The following ROBO2 variants were observed in gnomAD, a reference collection of about 807,000 sequenced individuals.
ROBO2 encodes roundabout homolog 2.
ROBO2 carries 53 observed loss-of-function variants against 160.8 expected under a neutral mutation model. That is an observed-to-expected ratio of 0.33 (90% CI 0.26 to 0.41). The LOEUF (loss-of-function observed/expected upper bound fraction) is 0.41, where lower values mean the gene tolerates loss of function less well. ROBO2 is among the 10% of genes least tolerant of loss of function. The pLI is 1.00. For synonymous variants in ROBO2, 664 were observed against 611.7 expected (o/e 1.09, Z -1.26); for missense variants, 1,577 against 1,722.4 (o/e 0.92, Z 1.49).
intron 2 of ROBO2, among the ~76,000 whole-genome samples, chr3:77,355,004 G>A (rs2068859021): frequency 6.6e-6 from 1 of 152,006 alleles, no homozygotes; most frequent in Non-Finnish European, 1.5e-5. Context: ...TTAGCATAAA[G>A]TTCTGTGGGT....
chr3:77,546,401 T>A (rs757533687), exon 7 of ROBO2: 2 of 1,613,214 alleles, frequency 1.2e-6, no homozygotes, highest in East Asian at 4.5e-5. Context: ...ACAGTGACAT[T>A]TCCCTGTGAA....
At chr3:77,531,739 T>C (rs1005130995) in intron 6 of ROBO2, among the ~76,000 whole-genome samples, 2 of 152,164 alleles carry the variant, frequency 1.3e-5, no homozygotes, top group Admixed American at 1.3e-4. Context: ...AGGTATTATG[T>C]ATGAACCTTT....
At chr3:76,388,752 T>C (rs2077012396) in intron 2 of ROBO2, among the ~76,000 whole-genome samples, 1 of 152,186 alleles carries the variant, frequency 6.6e-6, no homozygotes, top group African/African-American at 2.4e-5. Context: ...TTCTGGCCAC[T>C]GTTTTTATGC....
chr3:76,495,865 T>C (rs1425883434), intron 2 of ROBO2, among the ~76,000 whole-genome samples: 1 of 152,224 alleles, frequency 6.6e-6, no homozygotes, highest in Admixed American at 6.5e-5. Context: ...CATTTCTTAC[T>C]ACAATGATGC....
At chr3:76,592,687 A>G (rs929841219) in intron 2 of ROBO2, among the ~76,000 whole-genome samples, 1 of 152,084 alleles carries the variant, frequency 6.6e-6, no homozygotes, top group Non-Finnish European at 1.5e-5. Flanking sequence ...ACAACTATGT[A>G]GGCCAGACGT....
chr3:77,493,391 A>T lies in ROBO2; in HGVS notation c.806+9A>T, dbSNP rs761610490. 1 of 1,613,872 alleles carries T rather than the reference A, an allele frequency of 6.2e-7. No homozygotes were observed. The highest frequency in any genetic ancestry group is 8.5e-7 in the Non-Finnish European group (1 of 1,179,796). ...GACTTGCCAAGAGGAAGGTAAGACC[A>T]ACATATGGATGGAAGATTGTTAGAT... On this transcript the variant is annotated intron_variant, in intron 5 of 25. Coordinates refer to ENST00000461745, the Ensembl canonical transcript of ROBO2.
chr3:77,122,531 C>A (rs1334222781), intron 2 of ROBO2, among the ~76,000 whole-genome samples: 2 of 152,198 alleles, frequency 1.3e-5, no homozygotes, highest in African/African-American at 2.4e-5. Flanking sequence ...CATTAATTTT[C>A]ATATTCGGAG....
At chr3:76,694,325 G>T (rs892981254) in intron 2 of ROBO2, among the ~76,000 whole-genome samples, 1 of 152,076 alleles carries the variant, frequency 6.6e-6, no homozygotes, top group East Asian at 1.9e-4. Flanking sequence ...AGTTATTCTC[G>T]CCAAGAGATG....
intron 2 of ROBO2, among the ~76,000 whole-genome samples, chr3:77,445,837 C>A: frequency 7.2e-6 from 1 of 138,948 alleles, no homozygotes; most frequent in South Asian, 2.2e-4. Context: ...GCAAGGATAG[C>A]TTTCTGTAAT....
chr3:77,078,530 T>C (rs769361139), intron 1 of ROBO2, among the ~76,000 whole-genome samples: 15 of 152,310 alleles, frequency 9.8e-5, no homozygotes, highest in East Asian at 5.8e-4. Flanking sequence ...CTGTCTTACA[T>C]TGATATGGTG....
Position 76,195,485 on chromosome 3 carries a change from T to G in ROBO2, c.109+257883T>G, listed in dbSNP as rs370859913. 2.0e-5 allele frequency among the ~76,000 whole-genome samples: 3 copies of G among 152,326 alleles called. No individual in the cohort carries two copies. The East Asian group carries it at 5.8e-4, about 29-fold the overall frequency. Reference sequence around the variant, plus strand: ...TATTGTCAATTTCATAGGAATGAATTTAAAATGTATGCAGACTATTTAGTG... The same window carrying G: ...TATTGTCAATTTCATAGGAATGAATGTAAAATGTATGCAGACTATTTAGTG... On this transcript the variant is annotated intron_variant, in intron 2 of 26. Transcript: ENST00000487694.
At chr3:77,184,423 A>G (rs1419948158) in intron 2 of ROBO2, among the ~76,000 whole-genome samples, 3 of 152,042 alleles carry the variant, frequency 2.0e-5, no homozygotes, top group African/African-American at 7.2e-5. Flanking sequence ...TATGCAAAAA[A>G]GGAATTATGA....
chr3:76,136,831 A>G (rs1427577478), intron 2 of ROBO2, among the ~76,000 whole-genome samples: 1 of 152,064 alleles, frequency 6.6e-6, no homozygotes, highest in Non-Finnish European at 1.5e-5. Context: ...AGAAGCCACA[A>G]ATCATATTCT....
At chr3:76,047,265 A>G (rs369166627) in intron 2 of ROBO2, among the ~76,000 whole-genome samples, 1 of 152,072 alleles carries the variant, frequency 6.6e-6, no homozygotes, top group East Asian at 1.9e-4. Context: ...CTAATAATGC[A>G]TTAATATTCC....
intron 2 of ROBO2, among the ~76,000 whole-genome samples, chr3:76,299,772 T>G (rs1709265628): frequency 6.6e-6 from 1 of 152,050 alleles, no homozygotes. Context: ...TTCTACATAT[T>G]TTATAGAAGT....
intron 2 of ROBO2, among the ~76,000 whole-genome samples, chr3:76,106,860 C>T (rs577818729): frequency 2.2e-4 from 33 of 152,190 alleles, no homozygotes; most frequent in African/African-American, 7.7e-4. Flanking sequence ...TACTAGGCTG[C>T]GTGCATAATT....
At chr3:77,102,656 A>T (rs956989142) in intron 2 of ROBO2, among the ~76,000 whole-genome samples, 1 of 152,120 alleles carries the variant, frequency 6.6e-6, no homozygotes, top group African/African-American at 2.4e-5. Flanking sequence ...AATGTTATTG[A>T]TAACCATCTG....
chr3:76,957,331 T>G (rs1420941826), intron 2 of ROBO2, among the ~76,000 whole-genome samples: 1 of 152,140 alleles, frequency 6.6e-6, no homozygotes, highest in East Asian at 1.9e-4. Context: ...GCCACAGTTC[T>G]GTAAACATTA....
chr3:76,474,305 T>G lies in ROBO2; in HGVS notation c.109+536703T>G, dbSNP rs149262029. 2.9e-3 allele frequency among the ~76,000 whole-genome samples: 441 copies of G among 152,272 alleles called. 1 individual carries two copies. The highest frequency in any genetic ancestry group is 4.9e-3 in the Non-Finnish European group (336 of 68,008). On this transcript the variant is annotated intron_variant, in intron 2 of 26. Transcript: ENST00000487694. The stretch of plus-strand genomic sequence containing the variant: ...TAACTATAGAGTTCTAGATTTATCT[T>G]AGTTAAATGATACATTATTATATAC...
Sources: gnomAD v4.1 joint callset for allele counts (sites outside exome capture counted in the v4.1 genomes callset) on GRCh38, gnomAD v4.1.1 for gene constraint, MANE v1.5 for transcripts, NCBI Gene and HGNC (gene_info 2026-07-23, HGNC 2026-07-21) for gene names.